LMNTD2: variants seen among roughly 807,000 people sequenced by gnomAD.
LMNTD2 encodes lamin tail domain-containing protein 2.
Under a neutral mutation model 70.1 loss-of-function variants are expected in LMNTD2, and 83 were observed. The observed-to-expected ratio is 1.18, with a 90% CI of 0.99 to 1.42. The LOEUF (loss-of-function observed/expected upper bound fraction) is 1.42. Among genes scored for constraint, LMNTD2 ranks in the 40% most tolerant of loss-of-function variants. The pLI is 0.00. For missense variants in LMNTD2, 1,153 were observed against 905.9 expected, an observed-to-expected ratio of 1.27 and a Z score of -3.50; for synonymous variants, 534 against 406.1, an observed-to-expected ratio of 1.31 and a Z score of -3.79.
chr11:556,771 A>T, intron 8 of LMNTD2, 64 bp downstream of exon 8: 1 of 1,474,574 alleles, frequency 6.8e-7, no homozygotes, highest in Non-Finnish European at 9.0e-7. Flanking sequence ...TCTGAGTGAG[A>T]TCACAGCTCT....
chr11:558,385 G>A (rs1853039031), intron 3 of LMNTD2, 137 bp from the exon 4 acceptor site: 3 of 1,124,176 alleles, frequency 2.7e-6, no homozygotes, highest in Middle Eastern at 2.8e-4. Flanking sequence ...AGCCCCGCTG[G>A]GGCTGGCCAG....
intron 1 of LMNTD2, chr11:560,300 C>T: frequency 9.5e-7 from 1 of 1,055,488 alleles, no homozygotes; most frequent in Admixed American, 5.5e-5. Flanking sequence ...GGAGCGGCTT[C>T]CAGCCAGCTT....
intron 13 of LMNTD2, 59 bp from the exon 14 acceptor site, chr11:555,170 A>AGCGGCGAGGAGGGGAGGGGAGGGGC (rs1210863036): frequency 3.5e-5 from 7 of 202,216 alleles, no homozygotes; most frequent in Admixed American, 1.4e-4. Context: ...AGGGGAGGGG[A>AGCGGCGAGGAGGGGAGGGGAGGGGC]GGGGAGGAGA....
rs1251234472 is a variant in LMNTD2 at position 555,799 on chromosome 11, C to T, written c.1509G>A (p.Pro503=). 6.6e-7 allele frequency: 1 copy of T among 1,521,198 alleles called. No homozygotes were observed. 94.2% of individuals were successfully genotyped at this position (1,521,198 alleles called of 1,614,324 possible). A position where few individuals can be genotyped will look rare whatever the true frequency, so the allele number is the denominator to read the frequency against. The change falls in exon 12 of 14, where the codon CCG becomes CCA. Residue 503 remains proline, a synonymous_variant. Coordinates refer to ENST00000329451, the MANE Select transcript of LMNTD2 (RefSeq NM_173573.3). The part of the protein sequence containing the change: ...AGPGADTRKP[P]RPPRPLRKGR... ...CTTTGCGCAGGGGTCGAGGTGGGCG[C>T]GGCGGCTTGCGGGTGTCGGCGCCGG...
intron 13 of LMNTD2, 28 bp from the exon 14 acceptor site, chr11:555,139 G>A (rs746304507): frequency 6.3e-5 from 64 of 1,016,394 alleles, no homozygotes; most frequent in Non-Finnish European, 8.2e-5. Context: ...TGAGAGGCGC[G>A]CGGGGCGGGG....
rs942339821 is a variant in LMNTD2, at chr11:554,927, C to G, written c.*53G>C. 97 of 1,353,412 alleles carry G rather than the reference C, an allele frequency of 7.2e-5. No individual in the cohort carries two copies. The highest frequency in any genetic ancestry group is 9.0e-5 in the Non-Finnish European group (92 of 1,025,426). The allele number at this position is 1,353,412 out of a possible 1,614,324, so 83.8% of individuals were successfully genotyped here. On this transcript the variant is annotated 3_prime_UTR_variant, in exon 14 of 14. Transcript: ENST00000329451. ...GATGCAGCGGACACAGCCCGCCCAG[C>G]CCCGGCGCCCGCCCGCGCCCTCCCT...
chr11:559,514 G>C, intron 1 of LMNTD2: 1 of 1,272,952 alleles, frequency 7.9e-7, no homozygotes, highest in Admixed American at 2.4e-5. Flanking sequence ...GGAGGTGTGA[G>C]AGGCTGAGCC....
Position 556,376 on chromosome 11 carries a change from C to G in LMNTD2, c.1074-1G>C. On this transcript the variant is annotated splice_acceptor_variant, in intron 9 of 13. Coordinates refer to ENST00000329451, the MANE Select transcript of LMNTD2 (RefSeq NM_173573.3). LOFTEE classifies it high-confidence loss of function. ...AGCCACGATCTTCAGGCCTGTCGGG[C>G]TGGGAAGAGAGGAGACGCTGTGAGG... 1 of 1,536,080 alleles carries G rather than the reference C, an allele frequency of 6.5e-7. No individual in the cohort carries two copies. The highest frequency in any genetic ancestry group is 8.7e-7 in the Non-Finnish European group (1 of 1,145,646).
In LMNTD2 at chr11:557,036, C is replaced by T. The variant is rs140424352; in HGVS notation, c.775G>A (p.Glu259Lys). The change falls in exon 8 of 14, where the codon GAG becomes AAG. Residue 259 changes from glutamate to lysine, a missense_variant. By Grantham distance (56) the Glu-to-Lys change is moderately conservative (BLOSUM62 1). Coordinates refer to ENST00000329451, the MANE Select transcript of LMNTD2 (RefSeq NM_173573.3). ...CACTCCACGGTCTTGTGATGCCGCT[C>T]GGAATGCTTTCCAGAGGACTCTGGG... is the stretch of plus-strand genomic sequence containing the variant. ...GSPESSGKHS[E>K]RHHKTVEWGS... 11 of 1,609,570 alleles carry T rather than the reference C, an allele frequency of 6.8e-6. No individual in the cohort carries two copies. The highest frequency in any genetic ancestry group is 2.7e-5 in the African/African-American group (2 of 74,994).
rs774522907 is a variant in LMNTD2 at position 557,398 on chromosome 11, CT to C, written c.713del (p.Lys238SerfsTer36). 1.3e-5 allele frequency: 20 copies of C among 1,598,410 alleles called. No homozygotes were observed. Among genetic ancestry groups the C allele is most frequent in the Non-Finnish European group, 1.7e-5 (20 of 1,172,154 alleles). Reference sequence around the variant, plus strand: ...GGGGAGTCCCTGCTCTGTGCAGTTACTTTTGCTTTGAGCTGGGCTCCATGTT... The same window carrying C: ...GGGGAGTCCCTGCTCTGTGCAGTTACTTTGCTTTGAGCTGGGCTCCATGTT... ...FTNMEPSSKQ[K>X]QPRPWPQLDT... On this transcript the variant is annotated frameshift_variant and splice_region_variant, in exon 7 of 14. Transcript: ENST00000329451. LOFTEE classifies it high-confidence loss of function.
intron 8 of LMNTD2, 21 bp downstream of exon 8, chr11:556,814 G>A: frequency 6.5e-7 from 1 of 1,538,552 alleles, no homozygotes; most frequent in South Asian, 1.3e-5. Context: ...GGGTAACCAG[G>A]GGAGACCCGC....
chr11:556,557 G>A lies in LMNTD2; in HGVS notation c.1008C>T (p.Gly336=), dbSNP rs777300162. ...AGGGCTGGGGCGACAGGACCGGCTC[G>A]CCGTGCCTGGGTGAGTGGGTTTTCT... ...DLQKTHSPRH[G]EPVLSPQPCT... Residue 336 remains glycine (G), a synonymous_variant, in exon 9 of 14, where the codon GGC becomes GGT. Transcript: ENST00000329451. The A allele has an allele frequency of 5.1e-6, 8 of 1,553,566 alleles. No individual in the cohort carries two copies. Among genetic ancestry groups the A allele is most frequent in the Non-Finnish European group, 6.9e-6 (8 of 1,151,154 alleles).
chr11:557,863 G>T, intron 5 of LMNTD2, 21 bp downstream of exon 5: 1 of 1,548,258 alleles, frequency 6.5e-7, no homozygotes, highest in Non-Finnish European at 8.7e-7. Context: ...TGGGGCAGGA[G>T]GGCTTGGGGG....
At position 554,980 on chromosome 11, in the gene LMNTD2, C is replaced by T. The variant is rs773762661; in HGVS notation, c.1905G>A (p.Ter635=). 4 of 1,575,224 alleles carry T rather than the reference C, an allele frequency of 2.5e-6. No individual in the cohort carries two copies. Among genetic ancestry groups the T allele is most frequent in the East Asian group, 4.8e-5 (2 of 41,952 alleles). ...CGGTCCCGGCCCCACTCCTCCGCCC[C>T]TAGGCGCCGCGGCAGGTGTCCGCGG... is the stretch of plus-strand genomic sequence containing the variant. ...PVTADTCRGA[*] The change falls in exon 14 of 14, where the codon TAG becomes TAA. Residue 635 remains the stop codon, a stop_retained_variant. Transcript: ENST00000329451.
At position 556,980 on chromosome 11, in the gene LMNTD2, G is replaced by A. The variant is rs758957197; in HGVS notation, c.831C>T (p.Ser277=). Reference sequence around the variant, plus strand: ...TGGAGTCGGAGTCAGCGCCCCCTGAGCTGCTGGTGTTCAGACAGGGCAGGG... The same window carrying A: ...TGGAGTCGGAGTCAGCGCCCCCTGAACTGCTGGTGTTCAGACAGGGCAGGG... ...WGSLPCLNTS[S]SGGADSDSSS... Residue 277 remains serine (S), a synonymous_variant, in exon 8 of 14, where the codon AGC becomes AGT. Coordinates refer to ENST00000329451, the MANE Select transcript of LMNTD2 (RefSeq NM_173573.3). The A allele has an allele frequency of 2.5e-6, 4 of 1,607,422 alleles. No individual in the cohort carries two copies. The highest frequency in any genetic ancestry group is 3.4e-6 in the Non-Finnish European group (4 of 1,179,100).
rs773922907 is a variant in LMNTD2, at chr11:557,591, A to G, written c.605T>C (p.Ile202Thr). Residue 202 changes from isoleucine to threonine, a missense_variant, in exon 6 of 14, where the codon ATT becomes ACT. By Grantham distance (89) the Ile-to-Thr change is moderately conservative (BLOSUM62 -1). Transcript: ENST00000329451. The stretch of plus-strand genomic sequence containing the variant: ...GCTCACCTCCCCGGTGGGGGCCTGA[A>G]TGTTTTCAGAGAGGTCGCTTGGGTC... The part of the protein sequence containing the change: ...LMDPSDLSEN[I>T]QAPTGEGFRL... The G allele has an allele frequency of 6.2e-7, 1 of 1,613,224 alleles. No individual in the cohort carries two copies. Among genetic ancestry groups the G allele is most frequent in the South Asian group, 1.1e-5 (1 of 91,066 alleles).
In LMNTD2 at chr11:554,876, T is replaced by C; in HGVS notation, c.*104A>G. On this transcript the variant is annotated 3_prime_UTR_variant, in exon 14 of 14. Transcript: ENST00000329451. ...CAGGTGTACAGAAATGCGGTTTACT[T>C]TGTAGGCCACGTTGGTTCAATAAAT... The C allele has an allele frequency of 1.2e-6, 1 of 805,256 alleles. No individual in the cohort carries two copies. Among genetic ancestry groups the C allele is most frequent in the African/African-American group, 1.8e-5 (1 of 54,136 alleles). The allele number at this position is 805,256 out of a possible 1,614,324, so 49.9% of individuals were successfully genotyped here. A position where few individuals can be genotyped will look rare whatever the true frequency, so the allele number is the denominator to read the frequency against.
At chr11:558,494 G>C in intron 3 of LMNTD2, 120 bp downstream of exon 3, 1 of 1,307,086 alleles carries the variant, frequency 7.7e-7, no homozygotes, top group South Asian at 1.4e-5. Context: ...TGGAGGGTCA[G>C]CGCGGGCAAG....
Position 555,721 on chromosome 11 carries a change from C to G in LMNTD2, c.1574+13G>C. 7.2e-7 allele frequency: 1 copy of G among 1,382,576 alleles called. No homozygotes were observed. The highest frequency in any genetic ancestry group is 9.3e-7 in the Non-Finnish European group (1 of 1,078,458). 85.6% of individuals were successfully genotyped at this position (1,382,576 alleles called of 1,614,324 possible). On this transcript the variant is annotated intron_variant, in intron 12 of 13. Coordinates refer to ENST00000329451, the MANE Select transcript of LMNTD2 (RefSeq NM_173573.3). The stretch of plus-strand genomic sequence containing the variant: ...GGGAGGGAGGCCAGATCCCGGGGAC[C>G]CGCGGTCCCCACCCTGGTCTCCGGC...
Sources: allele counts gnomAD v4.1 joint callset, GRCh38; gene constraint gnomAD v4.1.1; transcripts MANE v1.5; gene names NCBI Gene and HGNC (gene_info 2026-07-23, HGNC 2026-07-21).